Variants in PCDHA13 observed in about 807,000 individuals in gnomAD.
The protein encoded by PCDHA13 is protocadherin alpha 13.
PCDHA13 carries 54 observed loss-of-function variants against 64.8 expected under a neutral mutation model. The observed-to-expected ratio is 0.83, with a 90% CI of 0.67 to 1.04. The LOEUF (loss-of-function observed/expected upper bound fraction) is 1.04, where lower values mean the gene tolerates loss of function less well. Ranked by LOEUF, PCDHA13 falls within the 50% of genes least tolerant of loss-of-function variation. The pLI, the probability that PCDHA13 is intolerant of heterozygous loss-of-function variation, is 0.00. For missense variants in PCDHA13, 1,248 were observed against 1,254.3 expected (o/e 0.99, Z 0.08); for synonymous variants, 587 against 564.4 (o/e 1.04, Z -0.57).
intron 1 of PCDHA13, among the ~76,000 whole-genome samples, chr5:140,889,692 T>C (rs1237047126): frequency 1.3e-5 from 2 of 152,202 alleles, no homozygotes; most frequent in Non-Finnish European, 1.5e-5. Context: ...TTTAGTATTA[T>C]GGGCATATTC....
chr5:140,909,343 C>G (rs148713510), intron 1 of PCDHA13, among the ~76,000 whole-genome samples: 2 of 152,264 alleles, frequency 1.3e-5, no homozygotes, highest in African/African-American at 4.8e-5. Context: ...ATACCAGGTA[C>G]CAAGAGATGT....
intron 3 of PCDHA13, among the ~76,000 whole-genome samples, chr5:141,008,307 G>A (rs1212029861): frequency 2.0e-5 from 3 of 152,176 alleles, no homozygotes; most frequent in Admixed American, 1.3e-4. Context: ...ACCCTAAACT[G>A]TAATTGAACA....
chr5:140,929,398 AG>A, intron 1 of PCDHA13: 1 of 1,510,096 alleles, frequency 6.6e-7, no homozygotes, highest in Non-Finnish European at 8.9e-7. Flanking sequence ...AATATTTCTT[AG>A]ACAAGCCTTT....
intron 1 of PCDHA13, among the ~76,000 whole-genome samples, chr5:140,949,517 C>T (rs2094387959): frequency 6.6e-6 from 1 of 151,706 alleles, no homozygotes; most frequent in African/African-American, 2.4e-5. Context: ...TTTATTGATC[C>T]TTTTATCTTC....
In PCDHA13 at chr5:140,883,801, C is replaced by T. The variant is rs782690228; in HGVS notation, c.1533C>T (p.His511=). Residue 511 remains histidine (H), a synonymous_variant, in exon 1 of 4, where the codon CAC becomes CAT. Transcript: ENST00000289272. ...CGCTGTCGAGCTACGTGTCGGTGCA[C>T]GCGGAGAGCGGCAAGGTGTACGCGC... ...ERALSSYVSV[H]AESGKVYALQ... 4.3e-6 allele frequency: 7 copies of T among 1,612,430 alleles called. No homozygotes were observed. Among genetic ancestry groups the T allele is most frequent in the Non-Finnish European group, 5.9e-6 (7 of 1,179,756 alleles).
In PCDHA13 at chr5:140,967,564, A is replaced by G. The variant is rs1554229677; in HGVS notation, c.2395-11385A>G. Reference sequence around the variant, plus strand: ...ACCAGTCCACTTATCGCGTCCAGCTACGGGAGGACTCACCCCCAGGCACAT... The same window carrying G: ...ACCAGTCCACTTATCGCGTCCAGCTGCGGGAGGACTCACCCCCAGGCACAT... On this transcript the variant is annotated intron_variant, in intron 1 of 3. Coordinates refer to ENST00000289272, the MANE Select transcript of PCDHA13 (RefSeq NM_018904.3). 10 of 1,614,070 alleles carry G rather than the reference A, an allele frequency of 6.2e-6. No individual in the cohort carries two copies. The Middle Eastern group carries it at 4.9e-4, about 80-fold the overall frequency.
intron 3 of PCDHA13, among the ~76,000 whole-genome samples, chr5:141,007,772 G>T (rs1384054820): frequency 6.6e-6 from 1 of 152,122 alleles, no homozygotes; most frequent in Non-Finnish European, 1.5e-5. Context: ...GCCTGGAAAT[G>T]GTACTGCTTT....
chr5:140,976,788 G>A (rs969853431), intron 1 of PCDHA13, among the ~76,000 whole-genome samples: 4 of 152,218 alleles, frequency 2.6e-5, no homozygotes, highest in Middle Eastern at 3.4e-3. Flanking sequence ...ATATAGCTAC[G>A]CTTTTATGAA....
intron 1 of PCDHA13, chr5:140,967,826 G>A (rs782046643): frequency 1.2e-6 from 2 of 1,614,168 alleles, no homozygotes; most frequent in East Asian, 4.5e-5. Context: ...GGTGCTGGTG[G>A]ACATCGTGGA....
At chr5:140,966,756 G>A (rs1476318654) in intron 1 of PCDHA13, 9 of 1,437,232 alleles carry the variant, frequency 6.3e-6, no homozygotes, top group Non-Finnish European at 8.2e-6. Flanking sequence ...CCTCCGCCGC[G>A]GCCAGTGGCT....
intron 1 of PCDHA13, among the ~76,000 whole-genome samples, chr5:140,915,155 G>T (rs941034401): frequency 1.3e-5 from 2 of 151,934 alleles, no homozygotes; most frequent in Non-Finnish European, 2.9e-5. Flanking sequence ...CACCATGTTG[G>T]CCAGGATAGT....
At chr5:140,985,096 C>G (rs1486346952) in intron 3 of PCDHA13, among the ~76,000 whole-genome samples, 1 of 152,096 alleles carries the variant, frequency 6.6e-6, no homozygotes, top group Non-Finnish European at 1.5e-5. Context: ...TGCCACCAAG[C>G]CTGGCTAATT....
intron 1 of PCDHA13, among the ~76,000 whole-genome samples, chr5:140,892,282 ACTT>A (rs1405766060): frequency 1.3e-5 from 2 of 152,178 alleles, no homozygotes; most frequent in African/African-American, 4.8e-5. Flanking sequence ...TGTATTAAAC[ACTT>A]CTTCCTGGAA....
intron 1 of PCDHA13, among the ~76,000 whole-genome samples, chr5:140,885,084 A>C (rs1313908585): frequency 6.6e-6 from 1 of 152,198 alleles, no homozygotes; most frequent in South Asian, 2.1e-4. Context: ...AAAGAGCCCC[A>C]TAACTTTTCA....
chr5:140,978,427 GTTGCT>G (rs2096802128), intron 1 of PCDHA13, among the ~76,000 whole-genome samples: 1 of 152,196 alleles, frequency 6.6e-6, no homozygotes, highest in Non-Finnish European at 1.5e-5. Context: ...ACTGTTATCA[GTTGCT>G]GGTGTTATGA....
At chr5:140,937,878 C>G (rs2091818368) in intron 1 of PCDHA13, among the ~76,000 whole-genome samples, 1 of 150,504 alleles carries the variant, frequency 6.6e-6, no homozygotes, top group Admixed American at 6.6e-5. Context: ...CGCCACTGCA[C>G]TCCAGCCTGG....
chr5:140,928,409 C>A (rs782636217), intron 1 of PCDHA13: 2 of 1,613,912 alleles, frequency 1.2e-6, no homozygotes, highest in Non-Finnish European at 8.5e-7. Context: ...TCCAGTGGGG[C>A]CATCACTGCC....
chr5:140,976,702 A>G (rs782610534), intron 1 of PCDHA13, among the ~76,000 whole-genome samples: 2 of 152,220 alleles, frequency 1.3e-5, no homozygotes, highest in Non-Finnish European at 2.9e-5. Context: ...AATAATGTTG[A>G]CTTTGCATTA....
chr5:141,007,311 G>T (rs1268953957), intron 3 of PCDHA13, among the ~76,000 whole-genome samples: 1 of 151,596 alleles, frequency 6.6e-6, no homozygotes, highest in Non-Finnish European at 1.5e-5. Context: ...AGCATTTTGG[G>T]AGGCTAAAGT....
Sources: allele counts gnomAD v4.1 joint callset (sites outside exome capture counted in the v4.1 genomes callset), GRCh38; gene constraint gnomAD v4.1.1; transcripts MANE v1.5; gene names NCBI Gene and HGNC (gene_info 2026-07-23, HGNC 2026-07-21).